NFIB: variants seen among roughly 807,000 people sequenced by gnomAD.
The protein encoded by NFIB is nuclear factor 1 B-type.
NFIB carries 11 observed loss-of-function variants against 61.5 expected under a neutral mutation model. That is an observed-to-expected ratio of 0.18 (90% CI 0.11 to 0.30). The LOEUF is 0.30. Among genes scored for constraint, NFIB ranks in the 10% least tolerant of loss-of-function variants. NFIB has a pLI of 1.00. For missense variants in NFIB, 471 were observed against 608.9 expected (o/e 0.77, Z 2.38); for synonymous variants, 260 against 216.5 (o/e 1.20, Z -1.76).
At chr9:14,195,818 C>T (rs574457394) in intron 2 of NFIB, among the ~76,000 whole-genome samples, 1 of 151,852 alleles carries the variant, frequency 6.6e-6, no homozygotes, top group African/African-American at 2.4e-5. Context: ...AATGACATTG[C>T]AAACATAGAC....
chr9:14,162,834 T>C (rs117438989), intron 3 of NFIB, among the ~76,000 whole-genome samples: 1 of 152,232 alleles, frequency 6.6e-6, no homozygotes, highest in Non-Finnish European at 1.5e-5. Context: ...ATTTATAAAT[T>C]TATTAGCACC....
chr9:14,209,492 T>C lies in NFIB; in HGVS notation c.563-29712A>G, dbSNP rs533613898. On this transcript the variant is annotated intron_variant, in intron 2 of 10. Transcript: ENST00000380953. The stretch of plus-strand genomic sequence containing the variant: ...CCTCATAACACATTAATAAAGTTTC[T>C]TAAAGGTTTTGGCAGGGGGCCAGCA... Among the ~76,000 whole-genome samples the C allele has an allele frequency of 2.6e-5, 4 of 152,336 alleles. No individual in the cohort carries two copies. The South Asian group carries it at 8.3e-4, about 32-fold the overall frequency.
chr9:14,103,808 T>A (rs978787898), intron 10 of NFIB, among the ~76,000 whole-genome samples: 1 of 152,156 alleles, frequency 6.6e-6, no homozygotes, highest in Admixed American at 6.5e-5. Flanking sequence ...CTGAAAAAAA[T>A]TCCCTGCATA....
At chr9:14,442,627 G>A in the NFIB span, among the ~76,000 whole-genome samples, 1 of 152,106 alleles carries the variant, frequency 6.6e-6, no homozygotes, top group African/African-American at 2.4e-5. Context: ...GGCGGTCCCT[G>A]GCTTGGCATC....
intron 3 of NFIB, among the ~76,000 whole-genome samples, chr9:14,164,854 G>C (rs2044603675): frequency 6.6e-6 from 1 of 152,024 alleles, no homozygotes; most frequent in Admixed American, 6.6e-5. Context: ...AATTGATATG[G>C]GGTGAGACCT....
chr9:14,408,082 G>T, the NFIB span, among the ~76,000 whole-genome samples: 1 of 152,046 alleles, frequency 6.6e-6, no homozygotes, highest in Non-Finnish European at 1.5e-5. Context: ...TTAGTTTCAG[G>T]CCTAGTTTCA....
At chr9:14,228,094 C>T (rs914291222) in intron 2 of NFIB, among the ~76,000 whole-genome samples, 3 of 151,828 alleles carry the variant, frequency 2.0e-5, no homozygotes, top group Non-Finnish European at 2.9e-5. Flanking sequence ...TAGAAGGAAT[C>T]TAAAGCTATT....
chr9:14,508,136 T>C, the NFIB span, among the ~76,000 whole-genome samples: 10 of 151,524 alleles, frequency 6.6e-5, no homozygotes, highest in African/African-American at 2.4e-4. Flanking sequence ...ATTCATATTA[T>C]ATGTGTAAAT....
intron 2 of NFIB, among the ~76,000 whole-genome samples, chr9:14,275,495 G>C (rs144547652): frequency 6.6e-6 from 1 of 152,114 alleles, no homozygotes. Flanking sequence ...ATCATGCCAG[G>C]CTAGGAAGAC....
At chr9:14,498,927 A>T in the NFIB span, among the ~76,000 whole-genome samples, 5 of 152,024 alleles carry the variant, frequency 3.3e-5, no homozygotes, top group Non-Finnish European at 7.4e-5. Context: ...TAAGTGATCA[A>T]GATGGGGTTC....
At chr9:14,165,988 T>A (rs530550885) in intron 3 of NFIB, among the ~76,000 whole-genome samples, 1 of 152,170 alleles carries the variant, frequency 6.6e-6, no homozygotes, top group Non-Finnish European at 1.5e-5. Flanking sequence ...ATGGTTAAGA[T>A]GACAAATTTA....
Position 14,307,503 on chromosome 9 carries a change from G to A in NFIB, c.48C>T (p.Phe16=), listed in dbSNP as rs375050255. The A allele has an allele frequency of 7.5e-6, 12 of 1,604,562 alleles. No homozygotes were observed. In the African/African-American group the frequency reaches 1.5e-4, roughly 20 times the overall value. The change falls in exon 2 of 11, where the codon TTC becomes TTT. Residue 16 remains phenylalanine (F), a synonymous_variant. Coordinates refer to ENST00000380953, the MANE Select transcript of NFIB (RefSeq NM_001190737.2). The surrounding 1 kb of genome is among the most constrained non-coding windows in gnomAD (Gnocchi z 5.3). ...ICLTQDEFHP[F]IEALLPHVRA... The stretch of plus-strand genomic sequence containing the variant: ...GGACATGTGGAAGAAGTGCCTCGAT[G>A]AATGGGTGAAATTCATCCTGTGGAA...
chr9:14,280,303 T>A (rs966729370), intron 2 of NFIB, among the ~76,000 whole-genome samples: 2 of 152,178 alleles, frequency 1.3e-5, no homozygotes, highest in African/African-American at 4.8e-5. Flanking sequence ...AAGGAGATAC[T>A]AATAGATCTT....
intron 6 of NFIB, among the ~76,000 whole-genome samples, chr9:14,126,959 C>A (rs2039732102): frequency 6.6e-6 from 1 of 152,124 alleles, no homozygotes; most frequent in Non-Finnish European, 1.5e-5. Flanking sequence ...AGCTTAAAAT[C>A]TAGTGAGGCG....
chr9:14,227,671 T>A (rs902995584), intron 2 of NFIB, among the ~76,000 whole-genome samples: 14 of 152,312 alleles, frequency 9.2e-5, no homozygotes, highest in African/African-American at 3.4e-4. Context: ...CATATGTCAA[T>A]TGTAAGCAAG....
At chr9:14,484,954 C>A in the NFIB span, among the ~76,000 whole-genome samples, 1 of 152,096 alleles carries the variant, frequency 6.6e-6, no homozygotes, top group African/African-American at 2.4e-5. Flanking sequence ...GGCTCTTTCC[C>A]TGACTCACAG....
In NFIB at chr9:14,161,838, C is replaced by T. The variant is rs138469993; in HGVS notation, c.617-5945G>A. On this transcript the variant is annotated intron_variant, in intron 3 of 10. Coordinates refer to ENST00000380953, the MANE Select transcript of NFIB (RefSeq NM_001190737.2). ...TCAAAGGACATAAACTCTTTTAAAA[C>T]TCTTGGTAAAAACTGTCAAGCAGCT... Among the ~76,000 whole-genome samples the T allele has an allele frequency of 4.8e-3, 728 of 152,230 alleles. 5 individuals carry two copies. The highest frequency in any genetic ancestry group is 0.015 in the African/African-American group (629 of 41,538).
chr9:14,255,645 T>C (rs1394691732), intron 2 of NFIB, among the ~76,000 whole-genome samples: 1 of 152,164 alleles, frequency 6.6e-6, no homozygotes. Context: ...CCTCCTAACA[T>C]CCTTAAAAAA....
At chr9:14,137,209 C>T (rs1405162699) in intron 6 of NFIB, among the ~76,000 whole-genome samples, 1 of 152,140 alleles carries the variant, frequency 6.6e-6, no homozygotes, top group Admixed American at 6.6e-5. Context: ...GTAGGAGACA[C>T]TGATTCCATA....
Sources: allele counts gnomAD v4.1 joint callset (sites outside exome capture counted in the v4.1 genomes callset), GRCh38; gene constraint gnomAD v4.1.1; non-coding constraint Gnocchi (gnomAD v3.1); transcripts MANE v1.5; gene names NCBI Gene and HGNC (gene_info 2026-07-23, HGNC 2026-07-21).